Variants in HSF5 observed in about 807,000 individuals in gnomAD.
HSF5 encodes heat shock factor protein 5.
A neutral mutation model predicts 50.8 loss-of-function variants in HSF5; 5 were observed. That is an observed-to-expected ratio of 0.10 (90% CI 0.05 to 0.21). The LOEUF (loss-of-function observed/expected upper bound fraction) is 0.21. Ranked by LOEUF, HSF5 falls within the 10% of genes least tolerant of loss-of-function variation. HSF5 has a pLI of 1.00. For synonymous variants in HSF5, 307 were observed against 307.4 expected (o/e 1.00, Z 0.02); for missense variants, 564 against 762.6 (o/e 0.74, Z 3.07).
At chr17:58,468,036 T>C (rs1251624956) in intron 2 of HSF5, among the ~76,000 whole-genome samples, 1 of 152,200 alleles carries the variant, frequency 6.6e-6, no homozygotes, top group Non-Finnish European at 1.5e-5. Context: ...ATTAAGTAAT[T>C]TGCCAAAAGT....
chr17:58,439,137 T>A (rs546829938), intron 5 of HSF5, among the ~76,000 whole-genome samples: 15 of 150,160 alleles, frequency 1.0e-4, no homozygotes, highest in Middle Eastern at 3.4e-3. Context: ...AAAAAAAAAA[T>A]AATAATAAAT....
rs553203650 is a variant in HSF5 at position 58,481,803 on chromosome 17, C to A, written c.551-1536G>T. Among the ~76,000 whole-genome samples the A allele has an allele frequency of 3.9e-5, 6 of 152,316 alleles. No homozygotes were observed. The South Asian group carries it at 1.2e-3, about 32-fold the overall frequency. ...TCACTTGAGTCCAAGAGTTCAAGAT[C>A]AGCCTCAGCAACATGGTGAAACCCC... is the stretch of plus-strand genomic sequence containing the variant. On this transcript the variant is annotated intron_variant, in intron 1 of 5. Transcript: ENST00000323777.
intron 5 of HSF5, among the ~76,000 whole-genome samples, chr17:58,441,732 C>G (rs984622249): frequency 2.0e-5 from 3 of 152,196 alleles, no homozygotes; most frequent in Non-Finnish European, 4.4e-5. Flanking sequence ...TAGAAAAATA[C>G]TCCCAGAAAG....
chr17:58,434,241 T>C (rs372385789), intron 5 of HSF5, among the ~76,000 whole-genome samples: 2 of 151,860 alleles, frequency 1.3e-5, no homozygotes, highest in African/African-American at 4.8e-5. Flanking sequence ...ATAGAACCTA[T>C]GACGACATGT....
At position 58,488,200 on chromosome 17, in the gene HSF5, C is replaced by T. The variant is rs753827128; in HGVS notation, c.75G>A (p.Pro25=). 4.6e-6 allele frequency: 7 copies of T among 1,525,450 alleles called. No individual in the cohort carries two copies. The highest frequency in any genetic ancestry group is 2.1e-5 in the Admixed American group (1 of 47,168). 94.5% of individuals were successfully genotyped at this position (1,525,450 alleles called of 1,614,324 possible). ...PAKLWRLVNS[P]RYRSIRWDGR... ...CGTCCCAGCGGATGGAGCGGTAGCG[C>T]GGGCTGTTCACCAGGCGCCACAGCT... Residue 25 remains proline, a synonymous_variant, in exon 1 of 6, where the codon CCG becomes CCA. Transcript: ENST00000323777. The surrounding 1 kb of genome is among the most constrained non-coding windows in gnomAD (Gnocchi z 4.1).
At chr17:58,476,062 T>C in intron 2 of HSF5, 1 of 491,756 alleles carries the variant, frequency 2.0e-6, no homozygotes, top group Non-Finnish European at 3.5e-6. Context: ...CAAAAAAACC[T>C]GCAACTTGCT....
chr17:58,483,643 A>T (rs1270841124), intron 1 of HSF5, among the ~76,000 whole-genome samples: 1 of 152,256 alleles, frequency 6.6e-6, no homozygotes, highest in Non-Finnish European at 1.5e-5. Flanking sequence ...ATCCCCAGGT[A>T]AAAGATTATC....
intron 1 of HSF5, among the ~76,000 whole-genome samples, chr17:58,481,930 G>C (rs1186410212): frequency 6.6e-6 from 1 of 152,182 alleles, no homozygotes; most frequent in East Asian, 1.9e-4. Flanking sequence ...AACCCAGGAG[G>C]TGGAGGTTGC....
At chr17:58,483,031 C>T (rs1013205594) in intron 1 of HSF5, among the ~76,000 whole-genome samples, 19 of 151,996 alleles carry the variant, frequency 1.3e-4, no homozygotes, top group Admixed American at 9.2e-4. Context: ...CCACTGACAC[C>T]CCCTCCTTTT....
chr17:58,467,467 T>C (rs2143789281), intron 2 of HSF5, among the ~76,000 whole-genome samples: 1 of 152,342 alleles, frequency 6.6e-6, no homozygotes, highest in Admixed American at 6.5e-5. Flanking sequence ...TTTAATAATT[T>C]AGGCAAGTGG....
At chr17:58,425,586 A>C (rs1598178224) in intron 5 of HSF5, among the ~76,000 whole-genome samples, 1 of 149,472 alleles carries the variant, frequency 6.7e-6, no homozygotes, top group East Asian at 1.9e-4. Context: ...AAAAAAAAAA[A>C]AAAAAAAAAA....
chr17:58,448,135 A>G (rs1294404122), intron 5 of HSF5, among the ~76,000 whole-genome samples: 3 of 23,868 alleles, frequency 1.3e-4, no homozygotes, highest in African/African-American at 6.8e-4. Context: ...ACCTGTCTCA[A>G]AAAAAAAAAA....
At chr17:58,464,679 C>T (rs1485149748) in intron 3 of HSF5, among the ~76,000 whole-genome samples, 2 of 152,212 alleles carry the variant, frequency 1.3e-5, no homozygotes, top group Non-Finnish European at 1.5e-5. Flanking sequence ...GTCACCCAGG[C>T]TGGAGTGCGA....
chr17:58,440,920 G>C (rs1398398079), intron 5 of HSF5, among the ~76,000 whole-genome samples: 1 of 150,878 alleles, frequency 6.6e-6, no homozygotes, highest in African/African-American at 2.4e-5. Flanking sequence ...GAAATGTGGA[G>C]GAAAAAAATA....
intron 5 of HSF5, among the ~76,000 whole-genome samples, chr17:58,448,962 C>T (rs1287327044): frequency 6.6e-6 from 1 of 152,076 alleles, no homozygotes; most frequent in Non-Finnish European, 1.5e-5. Flanking sequence ...TGATAACATC[C>T]AGAAGTCAAA....
intron 5 of HSF5, among the ~76,000 whole-genome samples, chr17:58,433,250 G>A (rs900963804): frequency 2.6e-5 from 4 of 152,148 alleles, no homozygotes; most frequent in African/African-American, 7.2e-5. Context: ...GCCCACCTTG[G>A]CCTCCTAAAG....
intron 5 of HSF5, among the ~76,000 whole-genome samples, chr17:58,450,640 C>T (rs1974626951): frequency 6.6e-6 from 1 of 150,792 alleles, no homozygotes; most frequent in Admixed American, 6.6e-5. Flanking sequence ...GTAATCCCAG[C>T]TACTTGGGAG....
chr17:58,427,902 T>A (rs1974315656), intron 5 of HSF5, among the ~76,000 whole-genome samples: 2 of 152,248 alleles, frequency 1.3e-5, no homozygotes, highest in Admixed American at 6.5e-5. Flanking sequence ...ATAAATATTT[T>A]AGGCTTTATG....
At position 58,458,791 on chromosome 17, in the gene HSF5, T is replaced by C. The variant is rs768731584; in HGVS notation, c.1697A>G (p.Asn566Ser). ...ACCAGGGGACTTTCCTTGTTGTGAG[T>C]TGCTTCTGTGCTCTCTGTATCTGGC... ...TPARYREHRS[N>S]SQQGKSPDLH... Residue 566 changes from asparagine to serine, a missense_variant, in exon 5 of 6, where the codon AAC becomes AGC. Asn to Ser is a conservative substitution (Grantham distance 46). This residue lies in a region of HSF5 where 441 missense variants were observed against 533.6 expected (regional missense o/e 0.83). Coordinates refer to ENST00000323777, the MANE Select transcript of HSF5 (RefSeq NM_001080439.3). 6.2e-7 allele frequency: 1 copy of C among 1,612,560 alleles called. No individual in the cohort carries two copies. Among genetic ancestry groups the C allele is most frequent in the Non-Finnish European group, 8.5e-7 (1 of 1,179,496 alleles).
Sources: allele counts gnomAD v4.1 joint callset (sites outside exome capture counted in the v4.1 genomes callset), GRCh38; gene constraint gnomAD v4.1.1; regional missense constraint gnomAD v4.1.1; non-coding constraint Gnocchi (gnomAD v3.1); transcripts MANE v1.5; gene names NCBI Gene and HGNC (gene_info 2026-07-23, HGNC 2026-07-21).